ARHGEF40: variants seen among roughly 807,000 people sequenced by gnomAD.
The protein encoded by ARHGEF40 is Rho guanine nucleotide exchange factor (GEF) 40.
Under a neutral mutation model 165.9 loss-of-function variants are expected in ARHGEF40, and 98 were observed. That is an observed-to-expected ratio of 0.59 (90% CI 0.50 to 0.70). The LOEUF (loss-of-function observed/expected upper bound fraction) is 0.70, where lower values mean the gene tolerates loss of function less well. Among genes scored for constraint, ARHGEF40 ranks in the 30% least tolerant of loss-of-function variants. The pLI is 0.00. For missense variants in ARHGEF40, 1,815 were observed against 1,968.0 expected (o/e 0.92, Z 1.47); for synonymous variants, 792 against 814.3 (o/e 0.97, Z 0.47).
At chr14:21,070,149 C>G (rs567478242), upstream of ARHGEF40, 1 of 221,806 alleles carries the variant, frequency 4.5e-6, no homozygotes, top group South Asian at 1.8e-4. The surrounding 1 kb of genome is among the most constrained non-coding windows in gnomAD (Gnocchi z 4.7). Flanking sequence ...GCGCGGGAGA[C>G]AGAGTCCCGG....
chr14:21,083,729 T>C, intron 16 of ARHGEF40, 106 bp from the exon 17 acceptor site: 1 of 1,032,294 alleles, frequency 9.7e-7, no homozygotes, highest in Non-Finnish European at 1.4e-6. Flanking sequence ...CTGGGCTTCA[T>C]CTATACCCAA....
At position 21,087,423 on chromosome 14, in the gene ARHGEF40, G is replaced by C; in HGVS notation, c.4347G>C (p.Glu1449Asp). 1 of 1,601,328 alleles carries C rather than the reference G, an allele frequency of 6.2e-7. No individual in the cohort carries two copies. The highest frequency in any genetic ancestry group is 8.5e-7 in the Non-Finnish European group (1 of 1,179,894). ...PGACSLPARV[E>D]EEAWDLDVKQ... ...CCTGCTCCCTGCCTGCCCGCGTCGA[G>C]GAGGAGGCCTGGGATCTGGACGTCA... The change falls in exon 21 of 24, where the codon GAG becomes GAC. Residue 1449 changes from glutamate to aspartate, a missense_variant. Coordinates refer to ENST00000298694, the MANE Select transcript of ARHGEF40 (RefSeq NM_018071.5).
chr14:21,078,332 C>A (rs200375923), intron 9 of ARHGEF40, 41 bp from the exon 10 acceptor site: 1 of 1,597,664 alleles, frequency 6.3e-7, no homozygotes, highest in Non-Finnish European at 8.5e-7. Context: ...GGTGGAGACT[C>A]TCTGGTGGAA....
intron 14 of ARHGEF40, 50 bp from the exon 15 acceptor site, chr14:21,082,194 G>T: frequency 6.3e-7 from 1 of 1,575,730 alleles, no homozygotes; most frequent in Non-Finnish European, 8.6e-7. Flanking sequence ...CATTGTTGGG[G>T]GTACTGGCTC....
At position 21,070,930 on chromosome 14, in the gene ARHGEF40, C is replaced by T; in HGVS notation, c.3+531C>T. 2.1e-6 allele frequency: 3 copies of T among 1,420,034 alleles called. No homozygotes were observed. In the South Asian group the frequency reaches 3.7e-5, roughly 17 times the overall value. 88.0% of individuals were successfully genotyped at this position (1,420,034 alleles called of 1,614,324 possible). On this transcript the variant is annotated intron_variant, in intron 1 of 23. Transcript: ENST00000298694. This position sits in a 1 kb window ranked among gnomAD's most constrained non-coding sequence, Gnocchi z 4.7. ...CCACAGCTGTGGCTGGGCCGGGTCCCGGGGCATGGCCAAAGAGGGAAATTC... is the reference window on the plus strand; with the variant it reads ...CCACAGCTGTGGCTGGGCCGGGTCCTGGGGCATGGCCAAAGAGGGAAATTC...
chr14:21,085,995 A>T, intron 19 of ARHGEF40, 129 bp downstream of exon 19: 1 of 1,103,068 alleles, frequency 9.1e-7, no homozygotes, highest in South Asian at 1.6e-5. Flanking sequence ...AATAAGATTC[A>T]AGATTTGGCT....
At chr14:21,080,213 CA>C (rs1433165288) in intron 11 of ARHGEF40, among the ~76,000 whole-genome samples, 1 of 131,450 alleles carries the variant, frequency 7.6e-6, no homozygotes, top group Non-Finnish European at 1.7e-5. Context: ...CACACACACA[CA>C]CACACACACA....
upstream of ARHGEF40, among the ~76,000 whole-genome samples, chr14:21,070,062 C>T (rs1051391853): frequency 4.6e-5 from 7 of 152,166 alleles, no homozygotes; most frequent in South Asian, 2.1e-4. The surrounding 1 kb of genome is among the most constrained non-coding windows in gnomAD (Gnocchi z 4.7). Flanking sequence ...CGCTGGAGGG[C>T]GGGGCGGAGA....
In ARHGEF40 at chr14:21,070,902, T is replaced by G. The variant is rs1384640864; in HGVS notation, c.3+503T>G. The G allele has an allele frequency of 1.4e-5, 21 of 1,526,548 alleles. No homozygotes were observed. The highest frequency in any genetic ancestry group is 1.8e-5 in the Non-Finnish European group (20 of 1,139,060). The allele number at this position is 1,526,548 out of a possible 1,614,324, so 94.6% of individuals were successfully genotyped here. On this transcript the variant is annotated intron_variant, in intron 1 of 23. Coordinates refer to ENST00000298694, the MANE Select transcript of ARHGEF40 (RefSeq NM_018071.5). This position sits in a 1 kb window ranked among gnomAD's most constrained non-coding sequence, Gnocchi z 4.7. ...GCCCACCCATCCGGCCCTAGGGGAC[T>G]GGCCACAGCTGTGGCTGGGCCGGGT...
chr14:21,084,070 C>A lies in ARHGEF40; in HGVS notation c.3789+20C>A. Reference sequence around the variant, plus strand: ...TGTGAGGTGAGGCCCTAGCTCCAGTCACTGCTGCTCAAACTGCCCAGCCCT... The same window carrying A: ...TGTGAGGTGAGGCCCTAGCTCCAGTAACTGCTGCTCAAACTGCCCAGCCCT... On this transcript the variant is annotated intron_variant, in intron 17 of 23. Coordinates refer to ENST00000298694, the MANE Select transcript of ARHGEF40 (RefSeq NM_018071.5). The A allele has an allele frequency of 1.3e-6, 2 of 1,578,558 alleles. No homozygotes were observed. The highest frequency in any genetic ancestry group is 1.7e-6 in the Non-Finnish European group (2 of 1,161,702).
chr14:21,086,820 A>G (rs1888369117), intron 19 of ARHGEF40, 181 bp from the exon 20 acceptor site: 2 of 571,596 alleles, frequency 3.5e-6, no homozygotes, highest in Non-Finnish European at 6.3e-6. Context: ...TCACACCATC[A>G]TTGCCATCCA....
Position 21,074,685 on chromosome 14 carries a change from C to T in ARHGEF40, c.955C>T (p.Pro319Ser). The part of the protein sequence containing the change: ...GSSTGASPES[P>S]PGAEAVPEAA... Reference sequence around the variant, plus strand: ...CAGCACCGGAGCCTCCCCTGAGTCTCCCCCAGGAGCTGAGGCTGTCCCAGA... The same window carrying T: ...CAGCACCGGAGCCTCCCCTGAGTCTTCCCCAGGAGCTGAGGCTGTCCCAGA... The change falls in exon 3 of 24, where the codon CCC becomes TCC. Residue 319 changes from proline to serine, a missense_variant. Coordinates refer to ENST00000298694, the MANE Select transcript of ARHGEF40 (RefSeq NM_018071.5). The surrounding 1 kb of genome is among the most constrained non-coding windows in gnomAD (Gnocchi z 4.8). The T allele has an allele frequency of 6.3e-7, 1 of 1,579,806 alleles. No individual in the cohort carries two copies. Among genetic ancestry groups the T allele is most frequent in the South Asian group, 1.1e-5 (1 of 87,404 alleles).
intron 16 of ARHGEF40, 124 bp from the exon 17 acceptor site, chr14:21,083,711 G>A: frequency 1.2e-6 from 1 of 834,044 alleles, no homozygotes; most frequent in Middle Eastern, 3.3e-4. Flanking sequence ...CCTTACTTTA[G>A]GGAGCATCTG....
At chr14:21,086,142 C>T (rs1888313695) in intron 19 of ARHGEF40, 5 of 366,324 alleles carry the variant, frequency 1.4e-5, no homozygotes, top group Non-Finnish European at 2.5e-5. Flanking sequence ...TTTTGGGAGG[C>T]CAAAGTGGGA....
At chr14:21,080,574 T>C in intron 11 of ARHGEF40, 86 bp from the exon 12 acceptor site, 1 of 1,448,470 alleles carries the variant, frequency 6.9e-7, no homozygotes, top group Non-Finnish European at 9.3e-7. Context: ...TTCTATAGAT[T>C]GGGGTGGTGG....
Position 21,079,701 on chromosome 14 carries a change from C to G in ARHGEF40, c.2373+691C>G, listed in dbSNP as rs138300399. ...GTGGGCATCAGGGGAAAGGTCACCT[C>G]AGGGCCGGTGCAAAAGCGGGGGCCA... is the stretch of plus-strand genomic sequence containing the variant. On this transcript the variant is annotated intron_variant, in intron 11 of 23. Coordinates refer to ENST00000298694, the MANE Select transcript of ARHGEF40 (RefSeq NM_018071.5). 5.0e-3 allele frequency among the ~76,000 whole-genome samples: 755 copies of G among 152,282 alleles called. 12 individuals are homozygous for G. Among genetic ancestry groups the G allele is most frequent in the South Asian group, 0.034 (165 of 4,820 alleles).
chr14:21,071,390 CA>C (rs1301919505), intron 1 of ARHGEF40, among the ~76,000 whole-genome samples: 2 of 151,908 alleles, frequency 1.3e-5, no homozygotes, highest in East Asian at 1.9e-4. Context: ...GAGGCCTTGC[CA>C]GGGGGAGCTC....
At chr14:21,071,160 G>A (rs1030736383) in intron 1 of ARHGEF40, among the ~76,000 whole-genome samples, 5 of 152,216 alleles carry the variant, frequency 3.3e-5, no homozygotes. Context: ...TCCCTGCAGG[G>A]ACTAGGGGAC....
At chr14:21,068,192 G>A (rs1397855261), upstream of ARHGEF40, among the ~76,000 whole-genome samples, 2 of 24,184 alleles carry the variant, frequency 8.3e-5, 1 homozygote, top group Non-Finnish European at 3.0e-4. Flanking sequence ...GTAGAGACGG[G>A]GTTTCACCGT....
Sources: allele counts gnomAD v4.1 joint callset (sites outside exome capture counted in the v4.1 genomes callset), GRCh38; gene constraint gnomAD v4.1.1; non-coding constraint Gnocchi (gnomAD v3.1); transcripts MANE v1.5; gene names NCBI Gene and HGNC (gene_info 2026-07-23, HGNC 2026-07-21).